Variants in TASP1 observed in about 807,000 individuals in gnomAD.
The protein encoded by TASP1 is taspase 1, also known as threonine aspartase 1.
A neutral mutation model predicts 56.6 loss-of-function variants in TASP1; 16 were observed. The observed-to-expected ratio is 0.28, with a 90% CI of 0.19 to 0.43. The LOEUF (loss-of-function observed/expected upper bound fraction) is 0.43, where lower values mean the gene tolerates loss of function less well. TASP1 is among the 20% of genes least tolerant of loss of function. The pLI, the probability that TASP1 is intolerant of heterozygous loss-of-function variation, is 1.00. For missense variants in TASP1, 393 were observed against 511.6 expected, an observed-to-expected ratio of 0.77 and a Z score of 2.24; for synonymous variants, 179 against 184.2, an observed-to-expected ratio of 0.97 and a Z score of 0.23.
intron 4 of TASP1, among the ~76,000 whole-genome samples, chr20:13,619,518 A>T (rs563258046): frequency 2.0e-5 from 3 of 152,300 alleles, no homozygotes; most frequent in Admixed American, 2.0e-4. Context: ...TTTAGAAACA[A>T]TCCTAAGAAA....
intron 4 of TASP1, among the ~76,000 whole-genome samples, chr20:13,620,863 A>C (rs944229854): frequency 6.6e-6 from 1 of 152,118 alleles, no homozygotes; most frequent in African/African-American, 2.4e-5. Flanking sequence ...ACATCTTTCC[A>C]TTGACCCAAG....
chr20:13,288,687 C>T, the TASP1 span: 23 of 1,611,342 alleles, frequency 1.4e-5, no homozygotes, highest in East Asian at 4.5e-5. Context: ...TGCCCAGGTG[C>T]GTTTACCTGA....
chr20:13,204,783 G>A, the TASP1 span, among the ~76,000 whole-genome samples: 1 of 152,210 alleles, frequency 6.6e-6, no homozygotes, highest in East Asian at 1.9e-4. Context: ...ACAGAATTGG[G>A]GCCAAGATAT....
chr20:13,635,980 G>A (rs561831181), intron 1 of TASP1, among the ~76,000 whole-genome samples: 4 of 151,958 alleles, frequency 2.6e-5, no homozygotes, highest in African/African-American at 9.7e-5. Context: ...ACGTCCTGTT[G>A]CTGTGGTGTT....
At chr20:13,510,561 G>A (rs1263412415) in intron 10 of TASP1, among the ~76,000 whole-genome samples, 2 of 152,078 alleles carry the variant, frequency 1.3e-5, no homozygotes, top group Admixed American at 6.6e-5. Flanking sequence ...AGATTTAAAT[G>A]AAAATTACAT....
At chr20:13,174,479 C>T in the TASP1 span, among the ~76,000 whole-genome samples, 2 of 152,120 alleles carry the variant, frequency 1.3e-5, no homozygotes, top group Non-Finnish European at 2.9e-5. Flanking sequence ...GGATAGATCG[C>T]TTGAGCCCAG....
chr20:13,258,158 C>T, the TASP1 span, among the ~76,000 whole-genome samples: 3 of 152,096 alleles, frequency 2.0e-5, no homozygotes. Flanking sequence ...ATCCATGTTC[C>T]ACCTTTCTCC....
intron 11 of TASP1, among the ~76,000 whole-genome samples, chr20:13,472,653 C>T (rs922899608): frequency 1.3e-5 from 2 of 151,044 alleles, no homozygotes; most frequent in East Asian, 3.9e-4. Context: ...AATCAAACAA[C>T]CCCATCAAAA....
intron 7 of TASP1, among the ~76,000 whole-genome samples, chr20:13,560,334 C>T (rs2046303888): frequency 6.6e-6 from 1 of 152,114 alleles, no homozygotes; most frequent in Non-Finnish European, 1.5e-5. Context: ...CTTGGGTAAA[C>T]TGAGGACTAA....
the TASP1 span, chr20:13,238,120 AAAAAAAAG>A: frequency 3.9e-4 from 32 of 82,054 alleles, no homozygotes; most frequent in Non-Finnish European, 7.1e-4. Flanking sequence ...CTTAAAATTT[AAAAAAAAG>A]AATACTTTTG....
the TASP1 span, chr20:13,299,370 G>C: frequency 6.2e-7 from 1 of 1,613,646 alleles, no homozygotes; most frequent in African/African-American, 1.3e-5. This position sits in a 1 kb window ranked among gnomAD's most constrained non-coding sequence, Gnocchi z 5.8. Context: ...GTATAACGAG[G>C]CCCGGCCTCC....
chr20:13,309,416 T>C, the TASP1 span, among the ~76,000 whole-genome samples: 1 of 152,020 alleles, frequency 6.6e-6, no homozygotes, highest in Non-Finnish European at 1.5e-5. Flanking sequence ...GTAGAAGAAA[T>C]GCACCTCAAC....
At chr20:13,560,494 G>C (rs1405247449) in intron 7 of TASP1, among the ~76,000 whole-genome samples, 2 of 152,114 alleles carry the variant, frequency 1.3e-5, no homozygotes, top group African/African-American at 2.4e-5. Flanking sequence ...GGAATTTAAA[G>C]GGCTAATTCT....
intron 5 of TASP1, among the ~76,000 whole-genome samples, chr20:13,585,808 TA>T (rs1296717178): frequency 2.0e-5 from 3 of 152,266 alleles, no homozygotes; most frequent in Admixed American, 1.3e-4. Context: ...CAGTATCTAT[TA>T]AAACAAAATA....
At chr20:13,450,871 GAGA>G (rs1568818561) in intron 11 of TASP1, among the ~76,000 whole-genome samples, 1 of 152,078 alleles carries the variant, frequency 6.6e-6, no homozygotes, top group African/African-American at 2.4e-5. Flanking sequence ...AATCCTGATG[GAGA>G]AGGTTTTCTA....
chr20:13,202,973 G>A, the TASP1 span, among the ~76,000 whole-genome samples: 1 of 152,198 alleles, frequency 6.6e-6, no homozygotes, highest in Non-Finnish European at 1.5e-5. Context: ...TAAGGAGGCA[G>A]CTTTAGGCTA....
At chr20:13,386,789 T>C (rs975082719), downstream of TASP1, among the ~76,000 whole-genome samples, 8 of 152,224 alleles carry the variant, frequency 5.3e-5, no homozygotes, top group Non-Finnish European at 1.0e-4. Flanking sequence ...GACTAGCATC[T>C]AGGACTTATT....
chr20:13,521,907 T>G (rs529624342), intron 10 of TASP1, among the ~76,000 whole-genome samples: 4 of 152,272 alleles, frequency 2.6e-5, no homozygotes, highest in East Asian at 1.9e-4. Flanking sequence ...CAGGAAATGT[T>G]GGCTGAAGGA....
At chr20:13,230,271 T>C in the TASP1 span, among the ~76,000 whole-genome samples, 1 of 152,196 alleles carries the variant, frequency 6.6e-6, no homozygotes, top group Non-Finnish European at 1.5e-5. Context: ...TTACGCTACA[T>C]GTTAATTTCA....
Sources: gnomAD v4.1 joint callset for allele counts (sites outside exome capture counted in the v4.1 genomes callset) on GRCh38, gnomAD v4.1.1 for gene constraint, Gnocchi (gnomAD v3.1) non-coding constraint, MANE v1.5 for transcripts, NCBI Gene and HGNC (gene_info 2026-07-23, HGNC 2026-07-21) for gene names.